TRPC5: variants seen among roughly 807,000 people sequenced by gnomAD.
TRPC5 encodes the protein transient receptor potential cation channel subfamily C member 5.
Under a neutral mutation model 56.5 loss-of-function variants are expected in TRPC5, and 9 were observed. The ratio of observed to expected loss-of-function variants is 0.16; its 90% CI spans 0.10 to 0.28. TRPC5 has a LOEUF of 0.28. Ranked by LOEUF, TRPC5 falls within the 10% of genes least tolerant of loss-of-function variation. TRPC5 has a pLI of 1.00. For synonymous variants in TRPC5, 282 were observed against 278.5 expected (o/e 1.01, Z -0.13); for missense variants, 469 against 748.9 (o/e 0.63, Z 4.36).
intron 7 of TRPC5, among the ~76,000 whole-genome samples, chrX:111,825,186 T>C (rs1363726934): frequency 3.5e-4 from 31 of 88,611 alleles, no homozygotes; most frequent in African/African-American, 1.4e-3. Context: ...TTTCTTTCTT[T>C]CTTTCTTTCT....
intron 7 of TRPC5, among the ~76,000 whole-genome samples, chrX:111,817,214 A>C (rs1306385329): frequency 1.8e-5 from 2 of 111,500 alleles, no homozygotes; most frequent in African/African-American, 6.5e-5. Context: ...TTCACCTGTC[A>C]GCCTATCAGT....
intron 7 of TRPC5, among the ~76,000 whole-genome samples, chrX:111,788,979 G>C (rs929265877): frequency 3.6e-5 from 4 of 111,734 alleles, no homozygotes; most frequent in Non-Finnish European, 7.5e-5. Flanking sequence ...CGTGAAAATG[G>C]CCATACTGCC....
At chrX:111,790,908 C>A (rs751678395) in intron 7 of TRPC5, among the ~76,000 whole-genome samples, 1 of 106,749 alleles carries the variant, frequency 9.4e-6, no homozygotes, top group Admixed American at 1.0e-4. Flanking sequence ...GTAATCCCAG[C>A]TGCTTGGGAG....
At chrX:112,020,242 G>A (rs1929237514) in intron 1 of TRPC5, among the ~76,000 whole-genome samples, 2 of 111,792 alleles carry the variant, frequency 1.8e-5, no homozygotes, top group South Asian at 7.5e-4. Context: ...TTTTTCAGAT[G>A]TATATTTTTA....
intron 7 of TRPC5, among the ~76,000 whole-genome samples, chrX:111,790,588 A>G (rs1320450435): frequency 2.7e-5 from 3 of 111,684 alleles, no homozygotes; most frequent in Non-Finnish European, 5.6e-5. Flanking sequence ...AAAACTGACT[A>G]AAGGATTTAT....
chrX:111,840,452 G>T lies in TRPC5; in HGVS notation c.1701-5336C>A, dbSNP rs776126927. Among the ~76,000 whole-genome samples the T allele has an allele frequency of 3.4e-3, 377 of 112,208 alleles. 1 individual carries two copies. Among genetic ancestry groups the T allele is most frequent in the Non-Finnish European group, 5.9e-3 (316 of 53,133 alleles). ...TATATTGTATTATTTAGAGAATAAT[G>T]ACAGGAAAAAAAGTCTGTACATATT... On this transcript the variant is annotated intron_variant, in intron 6 of 10. Coordinates refer to ENST00000262839, the MANE Select transcript of TRPC5 (RefSeq NM_012471.3).
At chrX:111,821,426 G>A (rs374968210) in intron 7 of TRPC5, among the ~76,000 whole-genome samples, 2 of 111,432 alleles carry the variant, frequency 1.8e-5, no homozygotes, top group South Asian at 3.8e-4. Flanking sequence ...CTGAGATAAC[G>A]TAATTCTGCT....
At chrX:111,916,728 T>C (rs1925987303) in intron 2 of TRPC5, among the ~76,000 whole-genome samples, 1 of 112,447 alleles carries the variant, frequency 8.9e-6, no homozygotes, top group African/African-American at 3.2e-5. Context: ...GGAGCAGTGT[T>C]ATAAATTTTT....
At chrX:111,905,819 G>T (rs905454722) in intron 3 of TRPC5, among the ~76,000 whole-genome samples, 7 of 107,557 alleles carry the variant, frequency 6.5e-5, no homozygotes, top group Non-Finnish European at 1.2e-4. Flanking sequence ...GGAGGCTGAG[G>T]CAGGAGAATG....
At chrX:112,048,554 C>A in intron 1 of TRPC5, among the ~76,000 whole-genome samples, 1 of 110,451 alleles carries the variant, frequency 9.1e-6, no homozygotes, top group Non-Finnish European at 1.9e-5. Context: ...AGTATGATAA[C>A]CCTAACCATA....
chrX:112,071,434 A>G (rs1244608852), intron 1 of TRPC5, among the ~76,000 whole-genome samples: 1 of 112,263 alleles, frequency 8.9e-6, no homozygotes, highest in Non-Finnish European at 1.9e-5. Flanking sequence ...TCAAGGTCAC[A>G]TTGTGTAGTC....
rs750104833 is a variant in TRPC5, at chrX:111,970,887, A to C, written c.-21-18446T>G. ...TGGGTTCACACCATTCTCCTGCCTC[A>C]GCCTCCCCAGCTCCCGATTAGCTGG... On this transcript the variant is annotated intron_variant, in intron 1 of 10. Transcript: ENST00000262839. Among the ~76,000 whole-genome samples the C allele has an allele frequency of 3.7e-5, 4 of 106,687 alleles. No homozygotes were observed. In the East Asian group the frequency reaches 1.2e-3, roughly 31 times the overall value. 92.6% of individuals were successfully genotyped at this position (106,687 alleles called of 115,157 possible). A position where few individuals can be genotyped will look rare whatever the true frequency, so the allele number is the denominator to read the frequency against.
At chrX:111,902,001 C>T in intron 3 of TRPC5, 1 of 1,155,728 alleles carries the variant, frequency 8.7e-7, no homozygotes, top group Non-Finnish European at 1.1e-6. Flanking sequence ...GAGACTGAAG[C>T]AGATGCACCT....
intron 1 of TRPC5, among the ~76,000 whole-genome samples, chrX:111,961,892 A>C (rs1927391989): frequency 8.9e-6 from 1 of 112,342 alleles, no homozygotes; most frequent in Non-Finnish European, 1.9e-5. Context: ...AAAAATGTGG[A>C]ATAGTATGTA....
chrX:112,081,032 G>T (rs746969071), intron 1 of TRPC5, among the ~76,000 whole-genome samples: 3 of 112,038 alleles, frequency 2.7e-5, no homozygotes, highest in Admixed American at 9.4e-5. Context: ...CTTTCAGGCT[G>T]GTTTCCCCGC....
chrX:111,999,960 C>T (rs983863078), intron 1 of TRPC5, among the ~76,000 whole-genome samples: 2 of 111,313 alleles, frequency 1.8e-5, no homozygotes, highest in African/African-American at 6.5e-5. Flanking sequence ...AGCAACACTC[C>T]GTCTCAAAAT....
intron 3 of TRPC5, among the ~76,000 whole-genome samples, chrX:111,886,524 A>G (rs1039461607): frequency 9.0e-6 from 1 of 111,170 alleles, no homozygotes; most frequent in South Asian, 3.8e-4. Context: ...ATATTTGTTG[A>G]GCCTTGCAGC....
chrX:111,912,802 A>G lies in TRPC5; in HGVS notation c.389T>C (p.Leu130Pro). 1.7e-6 allele frequency: 2 copies of G among 1,197,818 alleles called. No homozygotes were observed. Among genetic ancestry groups the G allele is most frequent in the African/African-American group, 3.5e-5 (2 of 57,694 alleles). The change falls in exon 3 of 11, where the codon CTG (leucine) becomes CCG (proline). Residue 130 changes from leucine to proline, a missense_variant. Around this residue, in one of 3 missense-constraint regions of TRPC5, gnomAD observed 118 missense variants for 167.1 expected, o/e 0.71. Coordinates refer to ENST00000262839, the MANE Select transcript of TRPC5 (RefSeq NM_012471.3). ...RPSGEKQVPT[L>P]MMDTQFSEFT... The stretch of plus-strand genomic sequence containing the variant: ...TTCAGAGAACTGCGTGTCCATCATC[A>G]GAGTGGGGACCTAGGTACAAGAAAT...
chrX:111,864,462 A>C (rs1895868311), intron 3 of TRPC5, among the ~76,000 whole-genome samples: 1 of 112,395 alleles, frequency 8.9e-6, no homozygotes, highest in African/African-American at 3.2e-5. Flanking sequence ...GTCAGATCAC[A>C]TGAAGACCAG....
Sources: allele counts gnomAD v4.1 joint callset (sites outside exome capture counted in the v4.1 genomes callset), GRCh38; gene constraint gnomAD v4.1.1; regional missense constraint gnomAD v4.1.1; transcripts MANE v1.5; gene names NCBI Gene and HGNC (gene_info 2026-07-23, HGNC 2026-07-21).